ZC3H7A: variants seen among roughly 807,000 people sequenced by gnomAD.
ZC3H7A encodes zinc finger CCCH-type containing 7A.
A neutral mutation model predicts 125.5 loss-of-function variants in ZC3H7A; 44 were observed. That is an observed-to-expected ratio of 0.35 (90% confidence interval 0.28 to 0.45). The LOEUF (loss-of-function observed/expected upper bound fraction) is 0.45. Among genes scored for constraint, ZC3H7A ranks in the 20% least tolerant of loss-of-function variants. The pLI, the probability that ZC3H7A is intolerant of heterozygous loss-of-function variation, is 1.00. For missense variants in ZC3H7A, 977 were observed against 1,170.7 expected (o/e 0.83, Z 2.41); for synonymous variants, 399 against 391.2 (o/e 1.02, Z -0.23).
chr16:11,779,020 G>A, intron 4 of ZC3H7A, 146 bp downstream of exon 4: 3 of 712,646 alleles, frequency 4.2e-6, no homozygotes, highest in Non-Finnish European at 4.4e-6. Context: ...CCAATCCAAA[G>A]CTAATTTTTA....
chr16:11,796,774 C>T (rs1252201086), intron 1 of ZC3H7A: 4 of 152,172 alleles, frequency 2.6e-5, no homozygotes, highest in African/African-American at 7.2e-5. Flanking sequence ...ATCGGGATCC[C>T]CGCGATCACC....
chr16:11,761,844 G>A (rs2052757760), intron 18 of ZC3H7A, 66 bp downstream of exon 18: 2 of 1,584,932 alleles, frequency 1.3e-6, no homozygotes, highest in African/African-American at 1.4e-5. Context: ...TTGCTTATGT[G>A]TATAATTTTA....
intron 1 of ZC3H7A, among the ~76,000 whole-genome samples, chr16:11,789,075 T>C (rs750606079): frequency 2.0e-5 from 3 of 152,110 alleles, no homozygotes; most frequent in Non-Finnish European, 4.4e-5. Context: ...GTGAGGCCCA[T>C]AGTTTGGTTA....
intron 1 of ZC3H7A, among the ~76,000 whole-genome samples, chr16:11,792,355 G>A (rs1297413639): frequency 6.6e-6 from 1 of 152,196 alleles, no homozygotes; most frequent in Admixed American, 6.5e-5. Context: ...AGTTATGTAA[G>A]ATCTCAAGGT....
chr16:11,763,639 C>T lies in ZC3H7A; in HGVS notation c.1841G>A (p.Arg614Gln), dbSNP rs200832431. The change falls in exon 16 of 23, where the codon CGA (arginine) becomes CAA (glutamine). Residue 614 changes from arginine to glutamine, a missense_variant. Around this residue, in one of 3 missense-constraint regions of ZC3H7A, gnomAD observed 436 missense variants for 603.2 expected, o/e 0.72. Coordinates refer to ENST00000355758, the MANE Select transcript of ZC3H7A (RefSeq NM_014153.4). ...TTTGGAGTATTTTACTGTTGTCTCT[C>T]GCAAAATGTGGACAAGGCACCTAAG... Reference protein sequence around the residue: ...EDNKCLVHILRETTVKYSKIR... With the variant: ...EDNKCLVHILQETTVKYSKIR... 1.9e-6 allele frequency: 3 copies of T among 1,578,300 alleles called. No homozygotes were observed. Among genetic ancestry groups the T allele is most frequent in the East Asian group, 4.6e-5 (2 of 43,802 alleles).
chr16:11,784,145 C>A (rs2053217205), intron 1 of ZC3H7A, among the ~76,000 whole-genome samples: 1 of 152,030 alleles, frequency 6.6e-6, no homozygotes, highest in Non-Finnish European at 1.5e-5. Flanking sequence ...TAAAATGGCA[C>A]TATTTCTGGA....
chr16:11,779,877 AT>A (rs999079296), intron 3 of ZC3H7A, among the ~76,000 whole-genome samples: 4 of 36,702 alleles, frequency 1.1e-4, no homozygotes, highest in South Asian at 8.8e-4. Flanking sequence ...GTGTTTATTT[AT>A]TTTTTTTAAT....
At position 11,797,192 on chromosome 16, in the gene ZC3H7A, T is replaced by TGGCGGCGGC. The variant is rs1224938376; in HGVS notation, c.-112_-104dup. ...GCGGGCGGCGGCAGGCGGGCAGCGG[T>TGGCGGCGGC]GGCGGCGGCGGCGGCGGGGCCTGGG... On this transcript the variant is annotated 5_prime_UTR_variant, in exon 1 of 23. Transcript: ENST00000355758. The TGGCGGCGGC allele has an allele frequency of 4.6e-3, 708 of 154,292 alleles. 4 individuals are homozygous for TGGCGGCGGC. The highest frequency in any genetic ancestry group is 6.9e-3 in the Non-Finnish European group (496 of 71,682). The allele number at this position is 154,292 out of a possible 1,614,324, so 9.6% of individuals were successfully genotyped here. A position where few individuals can be genotyped will look rare whatever the true frequency, so the allele number is the denominator to read the frequency against.
intron 12 of ZC3H7A, among the ~76,000 whole-genome samples, chr16:11,767,914 A>G (rs1296750420): frequency 1.3e-5 from 2 of 152,224 alleles, no homozygotes; most frequent in Non-Finnish European, 2.9e-5. Context: ...CATATGAAAC[A>G]AGCTAACAGA....
Position 11,781,469 on chromosome 16 carries a change from G to A in ZC3H7A, c.69-5C>T. On this transcript the variant is annotated splice_polypyrimidine_tract_variant and splice_region_variant and intron_variant, in intron 2 of 22. Transcript: ENST00000355758. ...CCTGGATATGACAGCGGTGACCTAA[G>A]AAGAAGAAACAAATTAACTGTAATT... 1 of 1,602,720 alleles carries A rather than the reference G, an allele frequency of 6.2e-7. No homozygotes were observed. Among genetic ancestry groups the A allele is most frequent in the East Asian group, 2.2e-5 (1 of 44,750 alleles).
chr16:11,790,177 C>G (rs2053326752), intron 1 of ZC3H7A, among the ~76,000 whole-genome samples: 1 of 151,918 alleles, frequency 6.6e-6, no homozygotes, highest in Non-Finnish European at 1.5e-5. Context: ...AAATGATTCT[C>G]CCACCAACAA....
At chr16:11,782,601 CTTTTTTTTTTTTTT>C in intron 1 of ZC3H7A, 2 of 129,814 alleles carry the variant, frequency 1.5e-5, no homozygotes, top group South Asian at 2.8e-4. Context: ...TTTTCATATT[CTTTTTTTTTTTTTT>C]TTTTTTTTTT....
intron 2 of ZC3H7A, among the ~76,000 whole-genome samples, 185 bp from the exon 3 acceptor site, chr16:11,781,649 T>A (rs866745800): frequency 1.2e-5 from 1 of 84,846 alleles, no homozygotes; most frequent in Non-Finnish European, 2.0e-5. Flanking sequence ...AAAATACATA[T>A]ACATATATAT....
chr16:11,779,442 A>C (rs1567389114), intron 3 of ZC3H7A, 79 bp from the exon 4 acceptor site: 2 of 1,270,712 alleles, frequency 1.6e-6, no homozygotes, highest in East Asian at 2.4e-5. Flanking sequence ...TTTATACCTA[A>C]AACTTCACAG....
intron 21 of ZC3H7A, among the ~76,000 whole-genome samples, chr16:11,755,852 G>A (rs773878154): frequency 1.3e-4 from 20 of 152,120 alleles, no homozygotes; most frequent in Admixed American, 1.3e-4. Context: ...TGACGGAGCC[G>A]GGTTTTGGAG....
intron 20 of ZC3H7A, among the ~76,000 whole-genome samples, chr16:11,756,988 G>A (rs1343033739): frequency 2.2e-5 from 2 of 90,132 alleles, no homozygotes; most frequent in African/African-American, 1.2e-4. Context: ...TTATTGCCAA[G>A]TGCTAAAGCT....
intron 15 of ZC3H7A, 150 bp downstream of exon 15, chr16:11,764,903 A>G: frequency 5.6e-6 from 3 of 537,524 alleles, no homozygotes; most frequent in Non-Finnish European, 9.7e-6. Flanking sequence ...AAATCTACTA[A>G]AAGACATTTT....
chr16:11,755,132 C>A (rs2141155634), intron 21 of ZC3H7A, among the ~76,000 whole-genome samples: 1 of 151,472 alleles, frequency 6.6e-6, no homozygotes, highest in Non-Finnish European at 1.5e-5. Context: ...ATCGCTTGAA[C>A]CCGAGAGGCG....
intron 15 of ZC3H7A, 54 bp from the exon 16 acceptor site, chr16:11,763,713 A>G: frequency 4.4e-4 from 1 of 2,292 alleles, no homozygotes; most frequent in Non-Finnish European, 7.1e-4. Context: ...TTTTTCAAAT[A>G]TATATATATA....
Sources: allele counts gnomAD v4.1 joint callset (sites outside exome capture counted in the v4.1 genomes callset), GRCh38; gene constraint gnomAD v4.1.1; regional missense constraint gnomAD v4.1.1; transcripts MANE v1.5; gene names NCBI Gene and HGNC (gene_info 2026-07-23, HGNC 2026-07-21).